The following HMCN2 variants were observed in gnomAD, a reference collection of about 807,000 sequenced individuals.
The protein encoded by HMCN2 is hemicentin 2.
Under a neutral mutation model 377.5 loss-of-function variants are expected in HMCN2, and 325 were observed. The observed-to-expected ratio is 0.86, with a 90% CI of 0.79 to 0.94. The LOEUF is 0.94. Ranked by LOEUF, HMCN2 falls within the 40% of genes least tolerant of loss-of-function variation. The pLI, the probability that HMCN2 is intolerant of heterozygous loss-of-function variation, is 0.00. For missense variants in HMCN2, 4,543 were observed against 4,725.3 expected (o/e 0.96, Z 1.13); for synonymous variants, 2,007 against 2,046.8 (o/e 0.98, Z 0.53).
rs1271635158 is a variant in HMCN2, at chr9:130,359,423, C to A, written c.5773+9C>A. On this transcript the variant is annotated intron_variant, in intron 37 of 97. Coordinates refer to ENST00000683500, the MANE Select transcript of HMCN2 (RefSeq NM_001291815.2). ...GGGCGTGCCCCCTCCTGGTAAGACCCCTCCTCTTGGCTGAAAGCTACTTCC... is the reference window on the plus strand; with the variant it reads ...GGGCGTGCCCCCTCCTGGTAAGACCACTCCTCTTGGCTGAAAGCTACTTCC... 5 of 1,289,806 alleles carry A rather than the reference C, an allele frequency of 3.9e-6. No individual in the cohort carries two copies. Among genetic ancestry groups the A allele is most frequent in the Admixed American group, 2.3e-5 (1 of 43,410 alleles). 79.9% of individuals were successfully genotyped at this position (1,289,806 alleles called of 1,614,324 possible).
At chr9:130,412,567 C>CTTTTTTTTTTTTT (rs55873444) in intron 85 of HMCN2, among the ~76,000 whole-genome samples, 58 of 134,508 alleles carry the variant, frequency 4.3e-4, no homozygotes, top group East Asian at 1.5e-3. Flanking sequence ...CTTTCTTTCT[C>CTTTTTTTTTTTTT]TTTTTTTTTT....
intron 33 of HMCN2, 28 bp downstream of exon 33, chr9:130,355,882 C>A: frequency 8.1e-7 from 1 of 1,230,180 alleles, no homozygotes; most frequent in Non-Finnish European, 1.1e-6. Flanking sequence ...GAGGCCAGGG[C>A]TGGGGGTAGG....
chr9:130,368,570 T>C (rs933874063), intron 44 of HMCN2, 133 bp downstream of exon 44: 2 of 320,562 alleles, frequency 6.2e-6, no homozygotes, highest in Admixed American at 1.3e-4. Context: ...ACGTTCCTGG[T>C]GTGTGAGTCC....
At chr9:130,273,762 T>C (rs1290285161) in intron 1 of HMCN2, among the ~76,000 whole-genome samples, 1 of 152,212 alleles carries the variant, frequency 6.6e-6, no homozygotes, top group African/African-American at 2.4e-5. Flanking sequence ...CCTCCCAAAG[T>C]GCTGGGATTA....
intron 47 of HMCN2, 39 bp from the exon 48 acceptor site, chr9:130,372,999 C>CG (rs55770008): frequency 6.7e-6 from 1 of 148,924 alleles, no homozygotes; most frequent in Non-Finnish European, 1.5e-5. Flanking sequence ...CCCCCCCCCC[C>CG]ACCCCATCAC....
chr9:130,298,079 C>T (rs568634240), intron 7 of HMCN2, among the ~76,000 whole-genome samples: 138 of 152,262 alleles, frequency 9.1e-4, no homozygotes, highest in Middle Eastern at 3.4e-3. Flanking sequence ...TTCAGCCTCC[C>T]GAGCAGCTGG....
At chr9:130,310,950 T>C (rs954634270) in intron 15 of HMCN2, among the ~76,000 whole-genome samples, 20 of 152,338 alleles carry the variant, frequency 1.3e-4, no homozygotes, top group African/African-American at 4.1e-4. Flanking sequence ...CCATAGTGAT[T>C]GCTTAGTAAA....
rs539351048 is a variant in HMCN2, at chr9:130,382,210, G to C, written c.8458G>C (p.Val2820Leu). 4.7e-5 allele frequency: 46 copies of C among 985,852 alleles called. No homozygotes were observed. The African/African-American group carries it at 8.0e-4, about 17-fold the overall frequency. The allele number at this position is 985,852 out of a possible 1,614,324, so 61.1% of individuals were successfully genotyped here. The change falls in exon 55 of 98, where the codon GTG becomes CTG. Residue 2820 changes from valine to leucine, a missense_variant. Physicochemically the swap from Val to Leu is conservative, Grantham distance 32. This residue lies in a region of HMCN2 where 736 missense variants were observed against 773.2 expected (regional missense o/e 0.95). Transcript: ENST00000683500. ...AGGCCGGGTCCTGCAGATCCCCCTGGTGCGGGCAGAGAACGCCGGGAGGTA... is the reference window on the plus strand; with the variant it reads ...AGGCCGGGTCCTGCAGATCCCCCTGCTGCGGGCAGAGAACGCCGGGAGGTA... ...QGGRVLQIPLVRAENAGRYSC... is the reference protein window; with the variant it reads ...QGGRVLQIPLLRAENAGRYSC...
In HMCN2 at chr9:130,426,583, C is replaced by G. The variant is rs531483545; in HGVS notation, c.13879+659C>G. On this transcript the variant is annotated intron_variant, in intron 90 of 97. Transcript: ENST00000683500. ...GGGTGTCGCCGTACAGATGTTGTCT[C>G]TAAAACCCTAGCCTGGCACCTAGTG... is the stretch of plus-strand genomic sequence containing the variant. 5.9e-5 allele frequency among the ~76,000 whole-genome samples: 9 copies of G among 152,312 alleles called. No homozygotes were observed. In the South Asian group the frequency reaches 1.7e-3, roughly 28 times the overall value.
chr9:130,305,662 T>A (rs1836809257), intron 11 of HMCN2, among the ~76,000 whole-genome samples: 1 of 152,200 alleles, frequency 6.6e-6, no homozygotes, highest in African/African-American at 2.4e-5. Flanking sequence ...TTGCTGTTTC[T>A]GGATGCGCGG....
At chr9:130,354,701 T>C in intron 31 of HMCN2, 62 bp from the exon 32 acceptor site, 8 of 1,223,964 alleles carry the variant, frequency 6.5e-6, no homozygotes, top group Non-Finnish European at 7.4e-6. Context: ...CCTGTTGGGC[T>C]GAGATGAGAG....
chr9:130,302,916 G>T lies in HMCN2; in HGVS notation c.1336G>T (p.Val446Phe). The T allele has an allele frequency of 4.2e-6, 2 of 470,858 alleles. No homozygotes were observed. The highest frequency in any genetic ancestry group is 8.8e-6 in the Non-Finnish European group (2 of 226,844). 29.2% of individuals were successfully genotyped at this position (470,858 alleles called of 1,614,324 possible). Residue 446 changes from valine to phenylalanine, a missense_variant, in exon 9 of 98, where the codon GTC (valine) becomes TTC (phenylalanine). Val to Phe is a conservative substitution (Grantham distance 50). Around this residue, in one of 5 missense-constraint regions of HMCN2, gnomAD observed 547 missense variants for 189.9 expected, o/e 2.88. Transcript: ENST00000683500. Reference sequence around the variant, plus strand: ...TGGCTACCTGCACCAGCCCCTGCTGGTCTCCTGCTCGGTGCACAGTGCCCT... The same window carrying T: ...TGGCTACCTGCACCAGCCCCTGCTGTTCTCCTGCTCGGTGCACAGTGCCCT... ...IHGYLHQPLL[V>F]SCSVHSALPF...
Position 130,278,030 on chromosome 9 carries a change from T to C in HMCN2, c.260-6573T>C, listed in dbSNP as rs145801042. ...ACCATCATCATCACCACCACCACGA[T>C]CATCACCACCACCATCATCATTACC... On this transcript the variant is annotated intron_variant, in intron 1 of 97. Coordinates refer to ENST00000683500, the MANE Select transcript of HMCN2 (RefSeq NM_001291815.2). Among the ~76,000 whole-genome samples, 9 of 91,870 alleles carry C rather than the reference T, an allele frequency of 9.8e-5. 3 individuals are homozygous for C. Among genetic ancestry groups the C allele is most frequent in the South Asian group, 7.9e-4 (2 of 2,516 alleles). The allele number at this position is 91,870 out of a possible 152,430, so 60.3% of individuals were successfully genotyped here. A position where few individuals can be genotyped will look rare whatever the true frequency, so the allele number is the denominator to read the frequency against.
rs1393098678 is a variant in HMCN2 at position 130,283,242 on chromosome 9, G to A, written c.260-1361G>A. ...ACTGGTAGTGTTGTCTTATGTTGGC[G>A]TGGATCTCCATTACTGCTATTTTTT... On this transcript the variant is annotated intron_variant, in intron 1 of 97. Transcript: ENST00000683500. Among the ~76,000 whole-genome samples the A allele has an allele frequency of 5.3e-5, 8 of 151,932 alleles. No individual in the cohort carries two copies. The South Asian group carries it at 1.2e-3, about 24-fold the overall frequency.
chr9:130,382,285 C>G lies in HMCN2; in HGVS notation c.8533C>G (p.Leu2845Val), dbSNP rs1841770851. Residue 2845 changes from leucine (L) to valine (V), a missense_variant, in exon 55 of 98, where the codon CTG (leucine) becomes GTG (valine). By Grantham distance (32) the Leu-to-Val change is conservative (BLOSUM62 1). This residue lies in a region of HMCN2 where 736 missense variants were observed against 773.2 expected (regional missense o/e 0.95). Transcript: ENST00000683500. Reference sequence around the variant, plus strand: ...GGGCGAGGACTGGCTGCACTACGAGCTGCTGGTGCTGAGTGAGTGGCGGGG... The same window carrying G: ...GGGCGAGGACTGGCTGCACTACGAGGTGCTGGTGCTGAGTGAGTGGCGGGG... ...EVGEDWLHYE[L>V]LVLTPPVILG... 1 of 985,578 alleles carries G rather than the reference C, an allele frequency of 1.0e-6. No individual in the cohort carries two copies. Among genetic ancestry groups the G allele is most frequent in the East Asian group, 1.1e-4 (1 of 8,832 alleles). The allele number at this position is 985,578 out of a possible 1,614,324, so 61.1% of individuals were successfully genotyped here. A position where few individuals can be genotyped will look rare whatever the true frequency, so the allele number is the denominator to read the frequency against.
At chr9:130,399,240 G>A (rs1387399093) in intron 75 of HMCN2, among the ~76,000 whole-genome samples, 2 of 131,694 alleles carry the variant, frequency 1.5e-5, no homozygotes, top group African/African-American at 2.9e-5. Context: ...GCAACAGAAC[G>A]AGACTGTCTC....
Position 130,391,232 on chromosome 9 carries a change from G to A in HMCN2, c.9696G>A (p.Val3232=). 1.0e-6 allele frequency: 1 copy of A among 987,830 alleles called. No individual in the cohort carries two copies. Among genetic ancestry groups the A allele is most frequent in the Non-Finnish European group, 1.2e-6 (1 of 830,186 alleles). 61.2% of individuals were successfully genotyped at this position (987,830 alleles called of 1,614,324 possible). ...CCCCCCGGATCCGGAGCTCGGGCGT[G>A]GCGCGGGAGCACCATGTCTTGGAAG... is the stretch of plus-strand genomic sequence containing the variant. The part of the protein sequence containing the change: ...LVAPRIRSSG[V]AREHHVLEGQ... Residue 3232 remains valine (V), a synonymous_variant, in exon 64 of 98, where the codon GTG becomes GTA. Transcript: ENST00000683500.
In HMCN2 at chr9:130,414,816, T is replaced by C. The variant is rs1292707654; in HGVS notation, c.12962-3956T>C. ...TTTTTGTAGAGACAGGGTCTCCTTA[T>C]GTTGCCTAAGCCAGTCTCAAACTCC... On this transcript the variant is annotated intron_variant, in intron 85 of 97. Transcript: ENST00000683500. The surrounding 1 kb of genome is among the most constrained non-coding windows in gnomAD (Gnocchi z 4.4). Among the ~76,000 whole-genome samples, 1 of 152,150 alleles carries C rather than the reference T, an allele frequency of 6.6e-6. No individual in the cohort carries two copies. The highest frequency in any genetic ancestry group is 2.4e-5 in the African/African-American group (1 of 41,420).
At position 130,432,491 on chromosome 9, in the gene HMCN2, C is replaced by T. The variant is rs1181827876; in HGVS notation, c.14830C>T (p.Arg4944Cys). Residue 4944 changes from arginine to cysteine, a missense_variant, in exon 97 of 98, where the codon CGT (arginine) becomes TGT (cysteine). Transcript: ENST00000683500. ...ACCCGGCCAGATGTGCTTCAACACCCGTGGCAGCTACCAGTGTGTGGACAC... is the reference window on the plus strand; with the variant it reads ...ACCCGGCCAGATGTGCTTCAACACCTGTGGCAGCTACCAGTGTGTGGACAC... ...CGPGQMCFNT[R>C]GSYQCVDTPC... 1.0e-5 allele frequency: 16 copies of T among 1,550,666 alleles called. No individual in the cohort carries two copies. The highest frequency in any genetic ancestry group is 9.5e-5 in the South Asian group (8 of 84,062).
Sources: allele counts gnomAD v4.1 joint callset (sites outside exome capture counted in the v4.1 genomes callset), GRCh38; gene constraint gnomAD v4.1.1; regional missense constraint gnomAD v4.1.1; non-coding constraint Gnocchi (gnomAD v3.1); transcripts MANE v1.5; gene names NCBI Gene and HGNC (gene_info 2026-07-23, HGNC 2026-07-21).